Variants in PTPRD observed in about 807,000 individuals in gnomAD.
The protein encoded by PTPRD is receptor-type tyrosine-protein phosphatase delta.
In PTPRD, 34 loss-of-function variants were observed where a neutral mutation model predicts 214.5. The ratio of observed to expected loss-of-function variants is 0.16; its 90% CI spans 0.12 to 0.21. The LOEUF (loss-of-function observed/expected upper bound fraction) is 0.21, where lower values mean the gene tolerates loss of function less well. PTPRD is among the 10% of genes least tolerant of loss of function. The pLI is 1.00. For synonymous variants in PTPRD, 1,128 were observed against 845.7 expected (o/e 1.33, Z -5.79); for missense variants, 2,545 against 2,398.7 (o/e 1.06, Z -1.27).
In PTPRD at chr9:9,458,515, G is replaced by A. The variant is rs141061433; in HGVS notation, c.-236-61033C>T. ...TCAAAATGTATGAAGTGTATGAAAT[G>A]TATGAAAAGTGAAAAATATTGTGTC... On this transcript the variant is annotated intron_variant, in intron 8 of 45. Coordinates refer to ENST00000381196, the MANE Select transcript of PTPRD (RefSeq NM_002839.4). 1.7e-3 allele frequency among the ~76,000 whole-genome samples: 254 copies of A among 152,142 alleles called. 2 individuals are homozygous for A. Among genetic ancestry groups the A allele is most frequent in the Admixed American group, 0.012 (188 of 15,264 alleles).
intron 9 of PTPRD, among the ~76,000 whole-genome samples, chr9:9,273,628 G>A (rs1287817643): frequency 6.6e-6 from 1 of 151,236 alleles, no homozygotes; most frequent in East Asian, 2.0e-4. Flanking sequence ...TGTATAGCAT[G>A]TACTCTAGAG....
At chr9:8,499,556 T>C in intron 25 of PTPRD, 91 bp downstream of exon 25, 3 of 1,344,294 alleles carry the variant, frequency 2.2e-6, no homozygotes, top group Non-Finnish European at 1.0e-6. Context: ...ATTTTTTAAA[T>C]GTCGAAAAAC....
chr9:9,431,920 G>C (rs2083305816), intron 8 of PTPRD, among the ~76,000 whole-genome samples: 1 of 107,986 alleles, frequency 9.3e-6, no homozygotes, highest in African/African-American at 3.5e-5. Context: ...GGGGGAGGGG[G>C]GAGGGGTAGC....
chr9:8,656,128 C>A (rs1392658342), intron 12 of PTPRD, among the ~76,000 whole-genome samples: 1 of 152,124 alleles, frequency 6.6e-6, no homozygotes, highest in Non-Finnish European at 1.5e-5. Context: ...AACAGCCCCC[C>A]ACAACTGAAT....
intron 6 of PTPRD, among the ~76,000 whole-genome samples, chr9:9,743,974 G>A (rs989237417): frequency 3.3e-5 from 5 of 151,954 alleles, no homozygotes; most frequent in African/African-American, 1.2e-4. Flanking sequence ...ATCCTAACTT[G>A]TATATGTTCT....
Position 9,532,182 on chromosome 9 carries a change from G to C in PTPRD, c.-237+42550C>G, listed in dbSNP as rs181211000. Among the ~76,000 whole-genome samples the C allele has an allele frequency of 1.2e-3, 178 of 152,218 alleles. 1 individual carries two copies. The highest frequency in any genetic ancestry group is 3.8e-3 in the African/African-American group (159 of 41,546). ...AGAAACACAAGGTGAATGTGACTCA[G>C]AGTGAGGATGGGTAAAGAACTCTTA... On this transcript the variant is annotated intron_variant, in intron 8 of 45. Coordinates refer to ENST00000381196, the MANE Select transcript of PTPRD (RefSeq NM_002839.4).
chr9:8,842,107 A>C (rs2154535806), intron 11 of PTPRD, among the ~76,000 whole-genome samples: 1 of 152,272 alleles, frequency 6.6e-6, no homozygotes, highest in South Asian at 2.1e-4. Context: ...AAAACAACAA[A>C]AAACAAAAAC....
At chr9:10,372,468 CTT>C (rs2097646470) in intron 2 of PTPRD, among the ~76,000 whole-genome samples, 1 of 152,044 alleles carries the variant, frequency 6.6e-6, no homozygotes, top group African/African-American at 2.4e-5. Context: ...GCTCATACCA[CTT>C]GTTAGTAAAA....
chr9:9,890,818 A>G (rs1022826065), intron 5 of PTPRD, among the ~76,000 whole-genome samples: 9 of 152,058 alleles, frequency 5.9e-5, no homozygotes, highest in East Asian at 3.9e-4. Flanking sequence ...TATGTCTCCA[A>G]TGATGCCTCT....
At chr9:9,371,526 G>C (rs2059489901) in intron 9 of PTPRD, among the ~76,000 whole-genome samples, 1 of 152,076 alleles carries the variant, frequency 6.6e-6, no homozygotes, top group Non-Finnish European at 1.5e-5. Flanking sequence ...AGTCTTGCTA[G>C]TGGTCTATCA....
intron 3 of PTPRD, among the ~76,000 whole-genome samples, chr9:10,111,979 T>C (rs979071564): frequency 6.6e-6 from 1 of 152,232 alleles, no homozygotes; most frequent in Non-Finnish European, 1.5e-5. Context: ...ATGTACTTTC[T>C]TTTCACATGA....
Position 10,085,405 on chromosome 9 carries a change from G to A in PTPRD, c.-544-51615C>T, listed in dbSNP as rs117759679. Reference sequence around the variant, plus strand: ...TTATAACTGCTGGAGATATTTTTAAGCAATAGGAATAGCTTTCAGGATCCT... The same window carrying A: ...TTATAACTGCTGGAGATATTTTTAAACAATAGGAATAGCTTTCAGGATCCT... On this transcript the variant is annotated intron_variant, in intron 3 of 45. Coordinates refer to ENST00000381196, the MANE Select transcript of PTPRD (RefSeq NM_002839.4). Among the ~76,000 whole-genome samples, 1,002 of 151,902 alleles carry A rather than the reference G, an allele frequency of 6.6e-3. 13 individuals carry two copies. Among genetic ancestry groups the A allele is most frequent in the Middle Eastern group, 0.017 (5 of 294 alleles).
At position 8,925,608 on chromosome 9, in the gene PTPRD, G is replaced by T. The variant is rs139822783; in HGVS notation, c.-104+93089C>A. On this transcript the variant is annotated intron_variant, in intron 11 of 45. Coordinates refer to ENST00000381196, the MANE Select transcript of PTPRD (RefSeq NM_002839.4). ...AGATATTTTTCATCTGATGAGGATG[G>T]TTACCTCTGCATGGAGATCCTCAAA... Among the ~76,000 whole-genome samples the T allele has an allele frequency of 4.9e-3, 718 of 145,190 alleles. 5 individuals are homozygous for T. Among genetic ancestry groups the T allele is most frequent in the Admixed American group, 8.4e-3 (119 of 14,184 alleles).
chr9:9,384,971 A>AT (rs530769804), intron 9 of PTPRD, among the ~76,000 whole-genome samples: 91 of 152,122 alleles, frequency 6.0e-4, no homozygotes, highest in African/African-American at 2.1e-3. Context: ...TCAATATATC[A>AT]TTTTTTCTAA....
At chr9:10,515,093 C>G (rs564604026) in intron 2 of PTPRD, among the ~76,000 whole-genome samples, 197 of 151,696 alleles carry the variant, frequency 1.3e-3, no homozygotes, top group African/African-American at 4.6e-3. Flanking sequence ...TAATATTATC[C>G]CACCCACAAT....
At chr9:8,961,508 G>A (rs2099158622) in intron 11 of PTPRD, among the ~76,000 whole-genome samples, 1 of 152,090 alleles carries the variant, frequency 6.6e-6, no homozygotes, top group Admixed American at 6.6e-5. Context: ...ACTGTCTCTA[G>A]TAGTCAACAG....
chr9:10,312,604 T>C (rs2096297496), intron 3 of PTPRD, among the ~76,000 whole-genome samples: 1 of 152,012 alleles, frequency 6.6e-6, no homozygotes, highest in South Asian at 2.1e-4. Context: ...AATGGTAACA[T>C]TCTTATCATC....
intron 3 of PTPRD, among the ~76,000 whole-genome samples, chr9:10,137,896 T>C (rs1564056485): frequency 6.6e-6 from 1 of 151,926 alleles, no homozygotes; most frequent in South Asian, 2.1e-4. Flanking sequence ...TAAAGCAGGA[T>C]TAAGAGGAAA....
At chr9:10,096,491 G>A (rs1278689485) in intron 3 of PTPRD, among the ~76,000 whole-genome samples, 1 of 151,950 alleles carries the variant, frequency 6.6e-6, no homozygotes, top group Non-Finnish European at 1.5e-5. Context: ...GATGGCCAGT[G>A]ATGATGAGCA....
Sources: allele counts gnomAD v4.1 joint callset (sites outside exome capture counted in the v4.1 genomes callset), GRCh38; gene constraint gnomAD v4.1.1; transcripts MANE v1.5; gene names NCBI Gene and HGNC (gene_info 2026-07-23, HGNC 2026-07-21).